The following ZNF99 variants were observed in gnomAD, a reference collection of about 807,000 sequenced individuals.
ZNF99 encodes the protein zinc finger protein 99.
In ZNF99, 8 loss-of-function variants were observed where a neutral mutation model predicts 12.8. That is an observed-to-expected ratio of 0.62 (90% CI 0.37 to 1.13). The LOEUF is 1.13. Among genes scored for constraint, ZNF99 ranks in the 50% most tolerant of loss-of-function variants. The pLI, the probability that ZNF99 is intolerant of heterozygous loss-of-function variation, is 0.02. For missense variants in ZNF99, 1,007 were observed against 1,006.2 expected (o/e 1.00, Z -0.01); for synonymous variants, 318 against 319.0 (o/e 1.00, Z 0.03).
intron 1 of ZNF99, among the ~76,000 whole-genome samples, chr19:22,771,758 C>T (rs1468339847): frequency 2.2e-5 from 3 of 137,468 alleles, no homozygotes; most frequent in Non-Finnish European, 4.7e-5. Context: ...TGCTCTGTCA[C>T]CCAGGCTGGA....
rs547805819 is a variant in ZNF99 at position 22,784,101 on chromosome 19, A to G, written c.-85T>C. 1 of 1,512,560 alleles carries G rather than the reference A, an allele frequency of 6.6e-7. No individual in the cohort carries two copies. The highest frequency in any genetic ancestry group is 9.1e-7 in the Non-Finnish European group (1 of 1,100,766). 93.7% of individuals were successfully genotyped at this position (1,512,560 alleles called of 1,614,324 possible). The stretch of plus-strand genomic sequence containing the variant: ...ACAGGGCCACAGAGGCTAAGGACAC[A>G]GAGCAGTAAAAACGAGATCCGGAGC... On this transcript the variant is annotated 5_prime_UTR_variant, in exon 1 of 4. Coordinates refer to ENST00000596209, the MANE Select transcript of ZNF99 (RefSeq NM_001080409.3).
At chr19:22,773,160 T>C (rs530609063) in intron 1 of ZNF99, among the ~76,000 whole-genome samples, 5 of 152,238 alleles carry the variant, frequency 3.3e-5, no homozygotes, top group Non-Finnish European at 7.3e-5. Context: ...GGGGACAGCA[T>C]GCACTTTGCA....
chr19:22,780,481 T>C (rs899371780), intron 1 of ZNF99, among the ~76,000 whole-genome samples: 2 of 151,934 alleles, frequency 1.3e-5, no homozygotes, highest in East Asian at 1.9e-4. Context: ...TCACCTGAGG[T>C]TGGGAGTTCG....
intron 3 of ZNF99, 108 bp downstream of exon 3, chr19:22,768,197 A>G (rs1027195453): frequency 9.6e-6 from 12 of 1,244,418 alleles, no homozygotes; most frequent in Non-Finnish European, 1.4e-5. Context: ...CTTCCCAGAA[A>G]CTACTTCCTT....
rs1599438471 is a variant in ZNF99, at chr19:22,756,088, CTGGT to C, written c.*1222_*1225del. 7.0e-7 allele frequency: 1 copy of C among 1,423,172 alleles called. No individual in the cohort carries two copies. Among genetic ancestry groups the C allele is most frequent in the East Asian group, 3.1e-5 (1 of 32,698 alleles). 88.2% of individuals were successfully genotyped at this position (1,423,172 alleles called of 1,614,324 possible). A position where few individuals can be genotyped will look rare whatever the true frequency, so the allele number is the denominator to read the frequency against. On this transcript the variant is annotated 3_prime_UTR_variant, in exon 4 of 4. Coordinates refer to ENST00000596209, the MANE Select transcript of ZNF99 (RefSeq NM_001080409.3). ...TTTTCTGCCTATTAAGGCTTGAGGA[CTGGT>C]TAAAAGCTTTGCCACATTCTTCACA...
intron 1 of ZNF99, among the ~76,000 whole-genome samples, chr19:22,782,137 G>C (rs36024314): frequency 0.1 from 15,682 of 152,176 alleles, 1,845 homozygotes; most frequent in African/African-American, 0.29. Context: ...ATGTGAATCA[G>C]AGAGGGAAAA....
rs1224769715 is a variant in ZNF99 at position 22,756,436 on chromosome 19, C to T, written c.*878G>A. ...TAAGGTTTGAGGACTAAATGCTTTA[C>T]CACACTCTTCACATTTGTAGGGTTT... is the stretch of plus-strand genomic sequence containing the variant. On this transcript the variant is annotated 3_prime_UTR_variant, in exon 4 of 4. Coordinates refer to ENST00000596209, the MANE Select transcript of ZNF99 (RefSeq NM_001080409.3). 6.4e-7 allele frequency: 1 copy of T among 1,571,452 alleles called. No homozygotes were observed. Among genetic ancestry groups the T allele is most frequent in the African/African-American group, 1.6e-5 (1 of 64,178 alleles).
chr19:22,781,411 T>G (rs1325957409), intron 1 of ZNF99, among the ~76,000 whole-genome samples: 1 of 148,772 alleles, frequency 6.7e-6, no homozygotes, highest in East Asian at 2.0e-4. Flanking sequence ...CACTTTTTTT[T>G]TTTTTTTTTT....
intron 1 of ZNF99, among the ~76,000 whole-genome samples, chr19:22,782,661 C>CTTTTTTTTT (rs71180598): frequency 1.2e-5 from 1 of 86,638 alleles, no homozygotes; most frequent in Non-Finnish European, 2.2e-5. Flanking sequence ...CGCACCTGGC[C>CTTTTTTTTT]TTTTTTTTTT....
intron 1 of ZNF99, among the ~76,000 whole-genome samples, chr19:22,778,374 A>G (rs1973352072): frequency 6.6e-6 from 1 of 152,028 alleles, no homozygotes; most frequent in Non-Finnish European, 1.5e-5. Context: ...AGAGTTTGCT[A>G]AACACCAAGC....
chr19:22,778,347 G>T (rs1259235252), intron 1 of ZNF99, among the ~76,000 whole-genome samples: 1 of 151,910 alleles, frequency 6.6e-6, no homozygotes, highest in East Asian at 1.9e-4. Flanking sequence ...ATATCTCTCA[G>T]CTGGAACCAA....
chr19:22,759,620 C>A lies in ZNF99; in HGVS notation c.289G>T (p.Glu97Ter). Residue 97 changes from glutamate (E) to a stop codon, truncating the protein, a stop_gained, in exon 4 of 4, where the codon GAA becomes TAA. Transcript: ENST00000596209. LOFTEE classifies it low-confidence loss of function (END_TRUNC). ...CTTGCATATGTTCTCAATATTATTT[C>A]TTGGAAAGAATCTTTTATGCTCTGA... ...PDQSIKDSFQ[E>*]IILRTYARCG... 1 of 1,596,304 alleles carries A rather than the reference C, an allele frequency of 6.3e-7. No individual in the cohort carries two copies. The highest frequency in any genetic ancestry group is 8.5e-7 in the Non-Finnish European group (1 of 1,175,148).
At chr19:22,764,268 C>T (rs555889772) in intron 3 of ZNF99, among the ~76,000 whole-genome samples, 1 of 152,178 alleles carries the variant, frequency 6.6e-6, no homozygotes, top group East Asian at 1.9e-4. Context: ...GAGAATAAAA[C>T]TGGATCCTCA....
Position 22,758,362 on chromosome 19 carries a change from T to G in ZNF99, c.1547A>C (p.Lys516Thr), listed in dbSNP as rs778173961. 1.8e-5 allele frequency: 29 copies of G among 1,605,248 alleles called. No homozygotes were observed. The South Asian group carries it at 2.9e-4, about 16-fold the overall frequency. ...AAGGGCTGAGAAATGCTTAAAAGCT[T>G]TGCCACATTCTTCACATTTGCAAGG... ...EKPCKCEECG[K>T]AFKHFSALRK... The change falls in exon 4 of 4, where the codon AAA becomes ACA. Residue 516 changes from lysine (K) to threonine (T), a missense_variant. Transcript: ENST00000596209.
At chr19:22,778,311 G>A (rs143394211) in intron 1 of ZNF99, among the ~76,000 whole-genome samples, 1 of 152,044 alleles carries the variant, frequency 6.6e-6, no homozygotes, top group Non-Finnish European at 1.5e-5. Context: ...GACACCCAGA[G>A]ATCCATTCCA....
intron 3 of ZNF99, 96 bp from the exon 4 acceptor site, chr19:22,759,778 C>G (rs1432689309): frequency 5.7e-6 from 5 of 877,688 alleles, no homozygotes; most frequent in Non-Finnish European, 8.1e-6. Flanking sequence ...ACCGCTTAAG[C>G]AAGATGGCAC....
chr19:22,774,632 G>A (rs1483152975), intron 1 of ZNF99, among the ~76,000 whole-genome samples: 1 of 152,172 alleles, frequency 6.6e-6, no homozygotes, highest in African/African-American at 2.4e-5. Context: ...CACTTTGGGA[G>A]GCCGAGGTGG....
intron 1 of ZNF99, among the ~76,000 whole-genome samples, chr19:22,782,248 T>C (rs1250674893): frequency 2.0e-5 from 3 of 152,148 alleles, no homozygotes; most frequent in Non-Finnish European, 4.4e-5. Context: ...TTGAGATACC[T>C]GTAAAAAATG....
chr19:22,778,163 A>C (rs192115880), intron 1 of ZNF99, among the ~76,000 whole-genome samples: 3 of 151,908 alleles, frequency 2.0e-5, no homozygotes, highest in Non-Finnish European at 4.4e-5. Flanking sequence ...AAATTAAAAA[A>C]AAAAAGAAAA....
Sources: gnomAD v4.1 joint callset for allele counts (sites outside exome capture counted in the v4.1 genomes callset) on GRCh38, gnomAD v4.1.1 for gene constraint, MANE v1.5 for transcripts, NCBI Gene and HGNC (gene_info 2026-07-23, HGNC 2026-07-21) for gene names.